The following SEMA4B variants were observed in gnomAD, a reference collection of about 807,000 sequenced individuals.
SEMA4B encodes semaphorin 4B, also known as semaphorin-4B.
A neutral mutation model predicts 88.1 loss-of-function variants in SEMA4B; 55 were observed. The ratio of observed to expected loss-of-function variants is 0.62; its 90% CI spans 0.50 to 0.78. The LOEUF (loss-of-function observed/expected upper bound fraction) is 0.78, where lower values mean the gene tolerates loss of function less well. SEMA4B is among the 30% of genes least tolerant of loss of function. The probability of loss-of-function intolerance (pLI) is 0.00; values close to 1 mark genes in which losing one functional copy is unlikely to be tolerated. For missense variants in SEMA4B, 1,062 were observed against 1,111.9 expected (o/e 0.96, Z 0.64); for synonymous variants, 525 against 473.6 (o/e 1.11, Z -1.41).
intron 1 of SEMA4B, among the ~76,000 whole-genome samples, chr15:90,215,898 C>T (rs1333231034): frequency 6.6e-6 from 1 of 152,074 alleles, no homozygotes; most frequent in Non-Finnish European, 1.5e-5. Flanking sequence ...AAAGCAAAAA[C>T]GTCTGTCCTC....
Position 90,228,608 on chromosome 15 carries a change from C to A in SEMA4B, c.2479C>A (p.Arg827Ser). 4 of 1,613,450 alleles carry A rather than the reference C, an allele frequency of 2.5e-6. No homozygotes were observed. Among genetic ancestry groups the A allele is most frequent in the Non-Finnish European group, 3.4e-6 (4 of 1,179,894 alleles). Reference protein sequence around the residue: ...VSPVCPRPRVRLGSEIRDSVV With the variant: ...VSPVCPRPRVSLGSEIRDSVV Reference sequence around the variant, plus strand: ...CCCAGTGTGCCCCCGGCCCCGGGTCCGCCTTGGCTCGGAGATCCGTGACTC... The same window carrying A: ...CCCAGTGTGCCCCCGGCCCCGGGTCAGCCTTGGCTCGGAGATCCGTGACTC... Residue 827 changes from arginine (R) to serine (S), a missense_variant, in exon 14 of 14, where the codon CGC becomes AGC. Coordinates refer to ENST00000411539, the MANE Select transcript of SEMA4B (RefSeq NM_198925.4).
At chr15:90,205,546 AAG>A (rs1198584696) in intron 1 of SEMA4B, among the ~76,000 whole-genome samples, 1 of 152,226 alleles carries the variant, frequency 6.6e-6, no homozygotes, top group Non-Finnish European at 1.5e-5. Flanking sequence ...TCACATTAGC[AAG>A]AGAGGAATAA....
At chr15:90,222,258 T>C (rs1961899463) in intron 7 of SEMA4B, among the ~76,000 whole-genome samples, 1 of 149,418 alleles carries the variant, frequency 6.7e-6, no homozygotes, top group African/African-American at 2.4e-5. Flanking sequence ...TCTTTTCTTT[T>C]TTTTTTTTTT....
rs969166713 is a variant in SEMA4B at position 90,201,348 on chromosome 15, C to T, written c.-231C>T. 10 of 1,235,482 alleles carry T rather than the reference C, an allele frequency of 8.1e-6. No individual in the cohort carries two copies. The East Asian group carries it at 2.1e-4, about 26-fold the overall frequency. 76.5% of individuals were successfully genotyped at this position (1,235,482 alleles called of 1,614,324 possible). On this transcript the variant is annotated 5_prime_UTR_variant, in exon 1 of 14. Coordinates refer to ENST00000411539, the MANE Select transcript of SEMA4B (RefSeq NM_198925.4). ...CTCCGCCGCTTGCGGGTGAGCTCTG[C>T]CCAAGCCGAGGCTGCGGGGCCGGCG...
In SEMA4B at chr15:90,212,810, A is replaced by G. The variant is rs545395690; in HGVS notation, c.158-4629A>G. Among the ~76,000 whole-genome samples, 1 of 152,252 alleles carries G rather than the reference A, an allele frequency of 6.6e-6. No homozygotes were observed. The highest frequency in any genetic ancestry group is 2.1e-4 in the South Asian group (1 of 4,818). ...CCACAACACGAGCCTGTGACACGCA[A>G]GTCTCTGTTTCTGAGCTGATGCCGT... On this transcript the variant is annotated intron_variant, in intron 1 of 13. Coordinates refer to ENST00000411539, the MANE Select transcript of SEMA4B (RefSeq NM_198925.4). This position sits in a 1 kb window ranked among gnomAD's most constrained non-coding sequence, Gnocchi z 4.0.
rs1961723895 is a variant in SEMA4B at position 90,219,904 on chromosome 15, T to C, written c.483+13T>C. The stretch of plus-strand genomic sequence containing the variant: ...GTGTACCTACATCGTGAGTGACCTG[T>C]CCTCAGCCCTGAGGCTGACCTGGGA... On this transcript the variant is annotated intron_variant, in intron 4 of 13. Coordinates refer to ENST00000411539, the MANE Select transcript of SEMA4B (RefSeq NM_198925.4). The C allele has an allele frequency of 6.3e-7, 1 of 1,592,328 alleles. No individual in the cohort carries two copies. The highest frequency in any genetic ancestry group is 1.1e-5 in the South Asian group (1 of 90,598).
chr15:90,206,492 G>C (rs1960994794), intron 1 of SEMA4B: 1 of 304,720 alleles, frequency 3.3e-6, no homozygotes. Context: ...CTCTTTCCCT[G>C]CTGCCACCAA....
At chr15:90,190,635 C>T (rs1960316400) in intron 1 of SEMA4B, among the ~76,000 whole-genome samples, 1 of 152,182 alleles carries the variant, frequency 6.6e-6, no homozygotes, top group East Asian at 1.9e-4. Flanking sequence ...GGGTCTGGTG[C>T]TCAGACTGGG....
upstream of SEMA4B, among the ~76,000 whole-genome samples, chr15:90,198,649 A>G (rs527703385): frequency 3.4e-4 from 52 of 152,238 alleles, no homozygotes; most frequent in Non-Finnish European, 1.0e-4. Context: ...AGAGTGTGCC[A>G]GGTGAGGGAG....
At position 90,201,410 on chromosome 15, in the gene SEMA4B, A is replaced by C. The variant is rs2151592462; in HGVS notation, c.-169A>C. On this transcript the variant is annotated 5_prime_UTR_variant, in exon 1 of 14. Coordinates refer to ENST00000411539, the MANE Select transcript of SEMA4B (RefSeq NM_198925.4). ...ACTGCGGTGCCCCGCGGAGGGGCTG[A>C]GTTTGCCAGGGCCCACTTGACCCTG... 1 of 1,280,966 alleles carries C rather than the reference A, an allele frequency of 7.8e-7. No homozygotes were observed. The highest frequency in any genetic ancestry group is 9.8e-7 in the Non-Finnish European group (1 of 1,015,746). 79.3% of individuals were successfully genotyped at this position (1,280,966 alleles called of 1,614,324 possible).
intron 1 of SEMA4B, among the ~76,000 whole-genome samples, chr15:90,202,456 A>G (rs1361843345): frequency 3.3e-5 from 5 of 152,162 alleles, no homozygotes; most frequent in East Asian, 1.9e-4. Context: ...TGGTCCTCAC[A>G]TCTGCTTCTG....
Position 90,223,643 on chromosome 15 carries a change from G to A in SEMA4B, c.946G>A (p.Gly316Ser), listed in dbSNP as rs777775369. The change falls in exon 8 of 14, where the codon GGC (glycine) becomes AGC (serine). Residue 316 changes from glycine to serine, a missense_variant. Transcript: ENST00000411539. ...GCTGCTGTGCTCACGGCCCGACGAT[G>A]GCTTCCCCTTCAACGTGCTGCAGGA... is the stretch of plus-strand genomic sequence containing the variant. Reference protein sequence around the residue: ...AQLLCSRPDDGFPFNVLQDVF... With the variant: ...AQLLCSRPDDSFPFNVLQDVF... 4.3e-6 allele frequency: 7 copies of A among 1,613,588 alleles called. 1 individual carries two copies. In the South Asian group the frequency reaches 6.6e-5, roughly 15 times the overall value.
Position 90,201,590 on chromosome 15 carries a change from C to T in SEMA4B, c.12C>T (p.Thr4=), listed in dbSNP as rs766690943. The change falls in exon 1 of 14, where the codon ACC becomes ACT. Residue 4 remains threonine, a synonymous_variant. Transcript: ENST00000411539. ...CTCCTGCTCTCCGAATGCTGCGCAC[C>T]GCGATGGGCCTGAGGAGCTGGCTCG... MLR[T]AMGLRSWLAA... is the part of the protein sequence containing the mutation. 1.5e-5 allele frequency: 22 copies of T among 1,502,764 alleles called. No homozygotes were observed. Among genetic ancestry groups the T allele is most frequent in the Admixed American group, 2.1e-5 (1 of 48,208 alleles). The allele number at this position is 1,502,764 out of a possible 1,614,324, so 93.1% of individuals were successfully genotyped here. A position where few individuals can be genotyped will look rare whatever the true frequency, so the allele number is the denominator to read the frequency against.
At chr15:90,226,522 G>T (rs778497914) in intron 12 of SEMA4B, among the ~76,000 whole-genome samples, 6 of 152,148 alleles carry the variant, frequency 3.9e-5, no homozygotes, top group South Asian at 2.1e-4. Context: ...TGTATTTATA[G>T]TGGAGGCAGG....
rs894436647 is a variant in SEMA4B at position 90,191,603 on chromosome 15, T to C, written c.-122+6522T>C. 5.9e-5 allele frequency among the ~76,000 whole-genome samples: 9 copies of C among 152,214 alleles called. 1 individual carries two copies. Among genetic ancestry groups the C allele is most frequent in the African/African-American group, 2.2e-4 (9 of 41,440 alleles). On this transcript the variant is annotated intron_variant, in intron 1 of 14. Transcript: ENST00000332496. ...TGGCTTGCTAAAAGTCCACAAAATA[T>C]GGAAGGTAGTGAATTCTTCTGACAG...
At chr15:90,188,608 A>G (rs558108820) in intron 1 of SEMA4B, among the ~76,000 whole-genome samples, 1 of 152,130 alleles carries the variant, frequency 6.6e-6, no homozygotes, top group East Asian at 1.9e-4. Context: ...AGCCTGGACG[A>G]CAGAACAAGA....
chr15:90,185,483 T>A (rs1432473569), intron 1 of SEMA4B, among the ~76,000 whole-genome samples: 1 of 152,232 alleles, frequency 6.6e-6, no homozygotes, highest in Admixed American at 6.5e-5. Context: ...TTCTTCTCAC[T>A]GAGCACCAAG....
intron 1 of SEMA4B, chr15:90,192,153 G>A (rs900153103): frequency 2.0e-5 from 3 of 152,476 alleles, no homozygotes; most frequent in African/African-American, 7.2e-5. Flanking sequence ...CAGCACCCGA[G>A]AATGGGGAGG....
In SEMA4B at chr15:90,228,757, C is replaced by T; in HGVS notation, c.*114C>T. 1 of 1,402,626 alleles carries T rather than the reference C, an allele frequency of 7.1e-7. No individual in the cohort carries two copies. Among genetic ancestry groups the T allele is most frequent in the Non-Finnish European group, 9.6e-7 (1 of 1,036,556 alleles). 86.9% of individuals were successfully genotyped at this position (1,402,626 alleles called of 1,614,324 possible). On this transcript the variant is annotated 3_prime_UTR_variant, in exon 14 of 14. Transcript: ENST00000411539. ...CGTGGAACACGACCGTGGTGCCCGGCCCTTGGGAGCCTTGGGGCCAGCTGG... is the reference window on the plus strand; with the variant it reads ...CGTGGAACACGACCGTGGTGCCCGGTCCTTGGGAGCCTTGGGGCCAGCTGG...
Sources: gnomAD v4.1 joint callset for allele counts (sites outside exome capture counted in the v4.1 genomes callset) on GRCh38, gnomAD v4.1.1 for gene constraint, Gnocchi (gnomAD v3.1) non-coding constraint, MANE v1.5 for transcripts, NCBI Gene and HGNC (gene_info 2026-07-23, HGNC 2026-07-21) for gene names.